Variants in DMD observed in about 807,000 individuals in gnomAD.
The protein encoded by DMD is mutant dystrophin.
DMD carries 63 observed loss-of-function variants against 330.1 expected under a neutral mutation model. The observed-to-expected ratio is 0.19, with a 90% confidence interval of 0.16 to 0.24. The LOEUF (loss-of-function observed/expected upper bound fraction) is 0.24. DMD is among the 10% of genes least tolerant of loss of function. The probability of loss-of-function intolerance (pLI) is 1.00; values close to 1 mark genes in which losing one functional copy is unlikely to be tolerated. For synonymous variants in DMD, 1,223 were observed against 959.8 expected (o/e 1.27, Z -5.07); for missense variants, 3,344 against 2,684.1 (o/e 1.25, Z -5.43).
chrX:31,314,504 C>T (rs1417624133), intron 62 of DMD, among the ~76,000 whole-genome samples: 3 of 111,250 alleles, frequency 2.7e-5, no homozygotes, highest in African/African-American at 9.8e-5. Flanking sequence ...GGAAGAGCAG[C>T]GAGGCTTTTC....
intron 44 of DMD, among the ~76,000 whole-genome samples, chrX:32,169,854 C>G (rs1285917303): frequency 4.9e-5 from 5 of 101,573 alleles, no homozygotes; most frequent in Non-Finnish European, 1.0e-4. Flanking sequence ...TTCATTTCGA[C>G]TTATCTTTTT....
chrX:31,549,854 T>C (rs1334559844), intron 55 of DMD, among the ~76,000 whole-genome samples: 5 of 112,558 alleles, frequency 4.4e-5, no homozygotes, highest in Admixed American at 9.4e-5. Context: ...TCATGAATGT[T>C]TGACAACAAG....
chrX:33,008,830 A>ATATATACGTATATATGTG (rs1569548695), intron 2 of DMD, among the ~76,000 whole-genome samples: 20 of 61,750 alleles, frequency 3.2e-4, no homozygotes, highest in Non-Finnish European at 5.5e-4. Flanking sequence ...ATGTATACGT[A>ATATATACGTATATATGTG]TATATATACA....
chrX:32,612,390 C>A (rs1281262518), intron 12 of DMD, among the ~76,000 whole-genome samples: 3 of 111,573 alleles, frequency 2.7e-5, no homozygotes, highest in Non-Finnish European at 3.8e-5. Flanking sequence ...AATCCATGAC[C>A]CAGGATGGCT....
chrX:31,691,293 A>C (rs1211556429), intron 52 of DMD, among the ~76,000 whole-genome samples: 2 of 111,404 alleles, frequency 1.8e-5, no homozygotes, highest in Non-Finnish European at 3.8e-5. Context: ...GAATGATAAA[A>C]ACAAAAGACC....
intron 7 of DMD, among the ~76,000 whole-genome samples, chrX:32,806,359 T>C (rs1219049378): frequency 9.0e-6 from 1 of 111,401 alleles, no homozygotes; most frequent in African/African-American, 3.3e-5. Flanking sequence ...AAGAAGGGCA[T>C]TACATAATGG....
chrX:31,211,087 T>C (rs768069133), intron 64 of DMD, among the ~76,000 whole-genome samples: 2 of 111,737 alleles, frequency 1.8e-5, no homozygotes, highest in Non-Finnish European at 3.8e-5. Flanking sequence ...GAGACTTTCT[T>C]TAAAGTGGGA....
chrX:32,452,531 A>T (rs1442990453), intron 26 of DMD, among the ~76,000 whole-genome samples: 2 of 99,371 alleles, frequency 2.0e-5, no homozygotes, highest in African/African-American at 7.3e-5. Flanking sequence ...GAAAAAAGAG[A>T]TGAAATAGAA....
chrX:31,437,358 T>C (rs1458174171), intron 60 of DMD, among the ~76,000 whole-genome samples: 1 of 111,811 alleles, frequency 8.9e-6, no homozygotes, highest in African/African-American at 3.2e-5. Flanking sequence ...TGGGAATGAA[T>C]TTCTATATGT....
chrX:32,882,891 T>A (rs949874906), intron 2 of DMD, among the ~76,000 whole-genome samples: 23 of 112,473 alleles, frequency 2.0e-4, no homozygotes, highest in African/African-American at 7.4e-4. Context: ...TAGGAAGACA[T>A]TGAGCTAAAC....
chrX:31,366,616 T>C (rs917361387), intron 60 of DMD, among the ~76,000 whole-genome samples: 1 of 109,020 alleles, frequency 9.2e-6, no homozygotes, highest in African/African-American at 3.3e-5. Context: ...AAGACTTTTT[T>C]TTTTAAGTGT....
chrX:32,449,676 A>C (rs2098322086), intron 26 of DMD, among the ~76,000 whole-genome samples: 1 of 108,571 alleles, frequency 9.2e-6, no homozygotes. Flanking sequence ...TTGTTCAGCT[A>C]CAAGAGAGTT....
chrX:31,721,685 A>T (rs200530956), intron 52 of DMD, among the ~76,000 whole-genome samples: 896 of 39,295 alleles, frequency 0.023, 1 homozygote, highest in Non-Finnish European at 0.027. Flanking sequence ...TCTCTCTCTC[A>T]CTCTCTCTCT....
intron 52 of DMD, 91 bp downstream of exon 52, chrX:31,729,540 A>G: frequency 1.5e-6 from 1 of 663,913 alleles, no homozygotes; most frequent in Non-Finnish European, 2.5e-6. Flanking sequence ...CATTATTTTT[A>G]TAAATGTGAG....
intron 26 of DMD, 70 bp downstream of exon 26, chrX:32,454,592 C>A (rs1485954257): frequency 3.3e-6 from 3 of 896,949 alleles, no homozygotes; most frequent in Non-Finnish European, 4.7e-6. Flanking sequence ...CAACTTCAAG[C>A]ATTGTTGCAT....
chrX:32,749,582 A>C (rs1839995885), intron 7 of DMD, among the ~76,000 whole-genome samples: 1 of 112,484 alleles, frequency 8.9e-6, no homozygotes, highest in South Asian at 3.6e-4. Flanking sequence ...AATTTTCCTA[A>C]GGAAATGGAA....
rs371606587 is a variant in DMD at position 33,300,626 on chromosome X, T to C, written c.7+38633A>G. On this transcript the variant is annotated intron_variant, in intron 1 of 17. Coordinates refer to the DMD transcript ENST00000288447. ...GTCATGAGGGCTCTACCTTCATGAA[T>C]GGGATTAATGCCCTTATAAGAGAGG... is the stretch of plus-strand genomic sequence containing the variant. Among the ~76,000 whole-genome samples, 6 of 111,911 alleles carry C rather than the reference T, an allele frequency of 5.4e-5. No individual in the cohort carries two copies. The East Asian group carries it at 1.4e-3, about 27-fold the overall frequency.
intron 2 of DMD, among the ~76,000 whole-genome samples, chrX:32,882,875 A>G (rs1214444865): frequency 8.9e-6 from 1 of 112,385 alleles, no homozygotes; most frequent in African/African-American, 3.2e-5. Flanking sequence ...CCTGCACACC[A>G]AAGTTTAGGA....
intron 1 of DMD, among the ~76,000 whole-genome samples, chrX:33,044,384 A>T (rs764918003): frequency 5.4e-5 from 6 of 111,531 alleles, no homozygotes; most frequent in Non-Finnish European, 1.1e-4. Flanking sequence ...GTGAGCTGAG[A>T]TCGCACCACT....
Sources: gnomAD v4.1 joint callset for allele counts (sites outside exome capture counted in the v4.1 genomes callset) on GRCh38, gnomAD v4.1.1 for gene constraint, MANE v1.5 for transcripts, NCBI Gene and HGNC (gene_info 2026-07-23, HGNC 2026-07-21) for gene names.